The following SPRY3 variants were observed in gnomAD, a reference collection of about 807,000 sequenced individuals.
SPRY3 encodes protein sprouty homolog 3.
A neutral mutation model predicts 20.2 loss-of-function variants in SPRY3; 15 were observed. That is an observed-to-expected ratio of 0.74 (90% CI 0.50 to 1.14). SPRY3 has a LOEUF of 1.14. Among genes scored for constraint, SPRY3 ranks in the 50% most tolerant of loss-of-function variants. The pLI is 0.00. For missense variants in SPRY3, 364 were observed against 363.9 expected, an observed-to-expected ratio of 1.00 and a Z score of 0.00; for synonymous variants, 143 against 136.5, an observed-to-expected ratio of 1.05 and a Z score of -0.33.
intron 1 of SPRY3, among the ~76,000 whole-genome samples, chrX:155,653,246 T>C (rs782195774): frequency 1.8e-5 from 2 of 111,921 alleles, no homozygotes; most frequent in Admixed American, 9.5e-5. Flanking sequence ...TTTTGAATTT[T>C]GATGAAGTCC....
chrX:155,759,069 TC>T (rs2091294188), intron 2 of SPRY3, among the ~76,000 whole-genome samples: 1 of 149,936 alleles, frequency 6.7e-6, no homozygotes, highest in Non-Finnish European at 1.5e-5. Flanking sequence ...TCTTATTAAT[TC>T]TTTTTTTTTT....
intron 2 of SPRY3, among the ~76,000 whole-genome samples, chrX:155,720,892 A>G (rs189197235): frequency 1.3e-5 from 2 of 152,274 alleles, no homozygotes; most frequent in East Asian, 1.9e-4. Flanking sequence ...ACAAACATCT[A>G]CAAGTATCAA....
intron 2 of SPRY3, among the ~76,000 whole-genome samples, chrX:155,751,961 AATAAAATAAAATAAAATAAAAT>A (rs1215962589): frequency 2.8e-4 from 41 of 148,982 alleles, no homozygotes; most frequent in African/African-American, 9.1e-4. Flanking sequence ...AATAAAATAA[AATAAAATAAAATAAAATAAAAT>A]AAAGGAAAGG....
chrX:155,711,983 A>G (rs1317465840), intron 2 of SPRY3, among the ~76,000 whole-genome samples: 1 of 151,662 alleles, frequency 6.6e-6, no homozygotes, highest in Non-Finnish European at 1.5e-5. Context: ...GGAGCATATC[A>G]TTTAATTTCT....
At chrX:155,695,541 T>C (rs2068115987) in intron 2 of SPRY3, among the ~76,000 whole-genome samples, 1 of 111,090 alleles carries the variant, frequency 9.0e-6, no homozygotes, top group African/African-American at 3.3e-5. Context: ...CCATAATTTC[T>C]TTACATATTT....
At chrX:155,699,119 ACTCT>A (rs2068127942) in intron 2 of SPRY3, among the ~76,000 whole-genome samples, 1 of 111,770 alleles carries the variant, frequency 8.9e-6, no homozygotes, top group South Asian at 3.7e-4. Context: ...AAGAAAGGTG[ACTCT>A]CTCTATTCAC....
chrX:155,653,375 G>A (rs1393132789), intron 1 of SPRY3, among the ~76,000 whole-genome samples: 1 of 111,642 alleles, frequency 9.0e-6, no homozygotes, highest in Non-Finnish European at 1.9e-5. Context: ...TACAGTTTTA[G>A]CTCTTATATT....
chrX:155,722,899 A>G (rs1305323291), intron 2 of SPRY3, among the ~76,000 whole-genome samples: 3 of 152,116 alleles, frequency 2.0e-5, no homozygotes, highest in African/African-American at 7.2e-5. Flanking sequence ...CATCATTTAC[A>G]TTAGGTATTT....
At chrX:155,623,902 C>T (rs1557349676) in intron 1 of SPRY3, among the ~76,000 whole-genome samples, 1 of 111,863 alleles carries the variant, frequency 8.9e-6, no homozygotes, top group African/African-American at 3.2e-5. Context: ...GTTACTTAAC[C>T]TCTCTGTGTC....
chrX:155,643,709 A>G (rs906124842), intron 1 of SPRY3, among the ~76,000 whole-genome samples: 4 of 112,039 alleles, frequency 3.6e-5, no homozygotes, highest in Non-Finnish European at 7.5e-5. Context: ...ACAACTTAAC[A>G]TTGTTTGCAT....
chrX:155,664,405 G>T (rs1311417221), intron 2 of SPRY3, among the ~76,000 whole-genome samples: 1 of 108,649 alleles, frequency 9.2e-6, no homozygotes, highest in Non-Finnish European at 1.9e-5. Flanking sequence ...AGGTAATAAT[G>T]ATCATGACTA....
intron 2 of SPRY3, among the ~76,000 whole-genome samples, chrX:155,716,199 C>A (rs371140758): frequency 2.1e-4 from 32 of 152,218 alleles, no homozygotes; most frequent in African/African-American, 7.2e-4. Context: ...TAGATAATTT[C>A]TATCACTCTG....
intron 2 of SPRY3, among the ~76,000 whole-genome samples, chrX:155,662,389 G>C (rs985639470): frequency 9.0e-6 from 1 of 110,754 alleles, no homozygotes; most frequent in Non-Finnish European, 1.9e-5. Flanking sequence ...GTGTACTGGG[G>C]ATGTGAACAA....
chrX:155,746,996 A>T (rs2091230529), intron 2 of SPRY3, among the ~76,000 whole-genome samples: 1 of 151,908 alleles, frequency 6.6e-6, no homozygotes, highest in South Asian at 2.1e-4. Flanking sequence ...ATCTGGGACC[A>T]CATGCGACTC....
At chrX:155,637,022 T>C (rs1265616480) in intron 1 of SPRY3, among the ~76,000 whole-genome samples, 1 of 66,576 alleles carries the variant, frequency 1.5e-5, no homozygotes, top group Non-Finnish European at 2.6e-5. Flanking sequence ...CATCACACTC[T>C]GGGGACTGTT....
intron 1 of SPRY3, among the ~76,000 whole-genome samples, chrX:155,617,559 C>T (rs2067857842): frequency 1.8e-5 from 2 of 111,552 alleles, no homozygotes; most frequent in African/African-American, 6.5e-5. Context: ...CTTGCAGTCT[C>T]ATTGAACGAA....
intron 2 of SPRY3, among the ~76,000 whole-genome samples, chrX:155,707,492 G>A (rs1157563947): frequency 6.6e-6 from 1 of 151,082 alleles, no homozygotes; most frequent in African/African-American, 2.4e-5. Context: ...AGGTCACACT[G>A]GTGTTGTTCA....
At chrX:155,667,583 G>T (rs782384714) in intron 2 of SPRY3, among the ~76,000 whole-genome samples, 1 of 111,363 alleles carries the variant, frequency 9.0e-6, no homozygotes, top group Non-Finnish European at 1.9e-5. Flanking sequence ...TATAAAGTAG[G>T]AAGTAAGTTT....
At chrX:155,764,962 G>A (rs1396031044) in intron 2 of SPRY3, among the ~76,000 whole-genome samples, 2 of 152,168 alleles carry the variant, frequency 1.3e-5, no homozygotes, top group African/African-American at 2.4e-5. Flanking sequence ...GTGTCTGGGG[G>A]AGTCCGACTT....
Sources: allele counts gnomAD v4.1 joint callset (sites outside exome capture counted in the v4.1 genomes callset), GRCh38; gene constraint gnomAD v4.1.1; transcripts MANE v1.5; gene names NCBI Gene and HGNC (gene_info 2026-07-23, HGNC 2026-07-21).